EPC1: variants seen among roughly 807,000 people sequenced by gnomAD.
EPC1 encodes enhancer of polycomb 1, also known as enhancer of polycomb homolog 1.
Under a neutral mutation model 98.4 loss-of-function variants are expected in EPC1, and 12 were observed. That is an observed-to-expected ratio of 0.12 (90% CI 0.08 to 0.20). The LOEUF (loss-of-function observed/expected upper bound fraction) is 0.20, where lower values mean the gene tolerates loss of function less well. EPC1 is among the 10% of genes least tolerant of loss of function. EPC1 has a pLI of 1.00. For synonymous variants in EPC1, 357 were observed against 363.9 expected (o/e 0.98, Z 0.21); for missense variants, 729 against 990.5 (o/e 0.74, Z 3.54).
At chr10:32,311,285 C>T (rs1158807454) in intron 1 of EPC1, among the ~76,000 whole-genome samples, 2 of 149,660 alleles carry the variant, frequency 1.3e-5, no homozygotes, top group African/African-American at 2.5e-5. Context: ...TGCACTCCAG[C>T]CTGGGCGACA....
At position 32,300,590 on chromosome 10, in the gene EPC1, T is replaced by C. The variant is rs11008867; in HGVS notation, c.313+5182A>G. 2.2e-3 allele frequency among the ~76,000 whole-genome samples: 337 copies of C among 151,994 alleles called. 5 individuals are homozygous for C. The East Asian group carries it at 0.052, about 24-fold the overall frequency. On this transcript the variant is annotated intron_variant, in intron 2 of 13. Transcript: ENST00000319778. ...CTGGGATTACAGATGCACACCACCA[T>C]GCCTGGCTAATTTTTGTATTTTTAG...
intron 1 of EPC1, among the ~76,000 whole-genome samples, chr10:32,354,298 C>T (rs1378621732): frequency 6.6e-6 from 1 of 151,764 alleles, no homozygotes; most frequent in Non-Finnish European, 1.5e-5. Flanking sequence ...TGATTCAATA[C>T]AAAAAATTAG....
At chr10:32,273,344 C>G in intron 10 of EPC1, 63 bp from the exon 11 acceptor site, 2 of 1,548,578 alleles carry the variant, frequency 1.3e-6, no homozygotes, top group Non-Finnish European at 1.7e-6. Flanking sequence ...TCTTACAGTA[C>G]TAAAACAAAA....
At chr10:32,350,156 A>G (rs977036565), upstream of EPC1, among the ~76,000 whole-genome samples, 1 of 152,236 alleles carries the variant, frequency 6.6e-6, no homozygotes, top group Non-Finnish European at 1.5e-5. Context: ...GCAAAGGTGA[A>G]TACCCTAACG....
intron 1 of EPC1, among the ~76,000 whole-genome samples, chr10:32,361,885 C>T (rs1839453498): frequency 6.6e-6 from 1 of 152,118 alleles, no homozygotes; most frequent in African/African-American, 2.4e-5. Context: ...TCATAAAGAC[C>T]TTACCAATAA....
chr10:32,347,226 G>A (rs1046943276), upstream of EPC1: 5 of 1,222,914 alleles, frequency 4.1e-6, no homozygotes, highest in African/African-American at 4.7e-5. Flanking sequence ...CGCGGGCGGG[G>A]GGAGGGAGCG....
At chr10:32,331,762 T>C (rs919976471) in intron 1 of EPC1, among the ~76,000 whole-genome samples, 2 of 152,264 alleles carry the variant, frequency 1.3e-5, no homozygotes, top group African/African-American at 4.8e-5. Flanking sequence ...CATTATACTT[T>C]GTAAACATAA....
At chr10:32,375,533 G>A (rs1009600908) in intron 1 of EPC1, among the ~76,000 whole-genome samples, 1 of 151,950 alleles carries the variant, frequency 6.6e-6, no homozygotes, top group African/African-American at 2.4e-5. Flanking sequence ...TTAATTTCAA[G>A]TTCATTTTTC....
intron 10 of EPC1, chr10:32,282,584 A>T (rs2132683851): frequency 6.6e-6 from 1 of 152,302 alleles, no homozygotes; most frequent in Non-Finnish European, 1.5e-5. Flanking sequence ...GAAAAATTAC[A>T]AGGTTACTAA....
Position 32,347,067 on chromosome 10 carries a change from G to T in EPC1, c.-152C>A. The T allele has an allele frequency of 2.1e-6, 3 of 1,455,144 alleles. No homozygotes were observed. Among genetic ancestry groups the T allele is most frequent in the South Asian group, 1.4e-5 (1 of 71,120 alleles). 90.1% of individuals were successfully genotyped at this position (1,455,144 alleles called of 1,614,324 possible). ...CGCCGTCCGGGCACTAACACCAGCC[G>T]GGAGGGTGGGAGGCTGTGCCGCTCC... On this transcript the variant is annotated 5_prime_UTR_variant, in exon 1 of 14. Transcript: ENST00000319778.
At chr10:32,305,497 C>T (rs1473481548) in intron 2 of EPC1, among the ~76,000 whole-genome samples, 3 of 100,314 alleles carry the variant, frequency 3.0e-5, no homozygotes, top group Admixed American at 1.1e-4. Flanking sequence ...ATTTCTATAT[C>T]TGAGTTTTTT....
intron 10 of EPC1, 126 bp downstream of exon 10, chr10:32,284,572 T>G: frequency 1.4e-6 from 1 of 726,956 alleles, no homozygotes; most frequent in Non-Finnish European, 2.2e-6. Context: ...ACCAAGATTT[T>G]TTTTTTAACT....
intron 1 of EPC1, among the ~76,000 whole-genome samples, chr10:32,355,394 C>A (rs1252931366): frequency 1.3e-5 from 2 of 152,146 alleles, no homozygotes; most frequent in Non-Finnish European, 2.9e-5. Flanking sequence ...GAATAAAAGT[C>A]TATCTTAGAA....
At chr10:32,312,133 T>C (rs962051854) in intron 1 of EPC1, among the ~76,000 whole-genome samples, 1 of 151,894 alleles carries the variant, frequency 6.6e-6, no homozygotes, top group Non-Finnish European at 1.5e-5. Context: ...TGAAGCACAG[T>C]GAGTGAGGTG....
In EPC1 at chr10:32,306,016, AT is replaced by A. The variant is rs951955447; in HGVS notation, c.154-86del. 3.3e-6 allele frequency: 4 copies of A among 1,222,998 alleles called. No individual in the cohort carries two copies. In the African/African-American group the frequency reaches 6.2e-5, roughly 19 times the overall value. 75.8% of individuals were successfully genotyped at this position (1,222,998 alleles called of 1,614,324 possible). On this transcript the variant is annotated intron_variant, in intron 1 of 13. Coordinates refer to ENST00000319778, the MANE Select transcript of EPC1 (RefSeq NM_001272004.3). The stretch of plus-strand genomic sequence containing the variant: ...ATAGCCAAAAAGGTTTTTTTGGCTC[AT>A]TTGTTTTTAAAATAGAGAGATTCTA...
At chr10:32,349,467 C>T (rs181334937), upstream of EPC1, among the ~76,000 whole-genome samples, 118 of 152,290 alleles carry the variant, frequency 7.7e-4, no homozygotes, top group African/African-American at 2.8e-3. Flanking sequence ...ACCTTTTTCT[C>T]ATCATTCCTT....
chr10:32,366,792 A>G (rs1334292665), intron 1 of EPC1, among the ~76,000 whole-genome samples: 1 of 152,200 alleles, frequency 6.6e-6, no homozygotes, highest in Non-Finnish European at 1.5e-5. Context: ...ACACAGACAG[A>G]GAGGTTTCTC....
intron 1 of EPC1, among the ~76,000 whole-genome samples, chr10:32,340,984 T>C (rs1388589693): frequency 6.6e-6 from 1 of 152,200 alleles, no homozygotes; most frequent in Admixed American, 6.5e-5. Context: ...TAAAAGTAAA[T>C]ACATACTCTA....
Position 32,284,766 on chromosome 10 carries a change from G to C in EPC1, c.1676C>G (p.Ala559Gly). The change falls in exon 10 of 14, where the codon GCA becomes GGA. Residue 559 changes from alanine (A) to glycine (G), a missense_variant. Transcript: ENST00000319778. Reference protein sequence around the residue: ...LYRSINRTGTAQPGTQTCSTS... With the variant: ...LYRSINRTGTGQPGTQTCSTS... Reference sequence around the variant, plus strand: ...ACTGCATGTCTGGGTCCCAGGTTGTGCTGTTCCTGTTCGGTTTATACTCCT... The same window carrying C: ...ACTGCATGTCTGGGTCCCAGGTTGTCCTGTTCCTGTTCGGTTTATACTCCT... 4 of 1,614,188 alleles carry C rather than the reference G, an allele frequency of 2.5e-6. No homozygotes were observed. The highest frequency in any genetic ancestry group is 3.4e-6 in the Non-Finnish European group (4 of 1,180,032).
Sources: gnomAD v4.1 joint callset for allele counts (sites outside exome capture counted in the v4.1 genomes callset) on GRCh38, gnomAD v4.1.1 for gene constraint, MANE v1.5 for transcripts, NCBI Gene and HGNC (gene_info 2026-07-23, HGNC 2026-07-21) for gene names.